The following SHTN1 variants were observed in gnomAD, a reference collection of about 807,000 sequenced individuals.
SHTN1 encodes shootin 1.
SHTN1 carries 42 observed loss-of-function variants against 83.1 expected under a neutral mutation model. The ratio of observed to expected loss-of-function variants is 0.51; its 90% CI spans 0.39 to 0.65. The LOEUF (loss-of-function observed/expected upper bound fraction) is 0.65. SHTN1 is among the 30% of genes least tolerant of loss of function. The probability of loss-of-function intolerance (pLI) is 0.00; values close to 1 mark genes in which losing one functional copy is unlikely to be tolerated. For synonymous variants in SHTN1, 224 were observed against 247.7 expected, an observed-to-expected ratio of 0.90 and a Z score of 0.90; for missense variants, 622 against 737.8, an observed-to-expected ratio of 0.84 and a Z score of 1.82.
At chr10:117,076,281 A>T (rs887423792) in intron 1 of SHTN1, among the ~76,000 whole-genome samples, 2 of 152,176 alleles carry the variant, frequency 1.3e-5, no homozygotes, top group South Asian at 4.1e-4. Flanking sequence ...TTAATTTAGG[A>T]AAGTGACAGT....
At chr10:117,005,243 T>C, upstream of SHTN1, 2 of 1,482,594 alleles carry the variant, frequency 1.3e-6, no homozygotes, top group Non-Finnish European at 1.8e-6. Flanking sequence ...GCGAGTGAGA[T>C]CATCCCCACG....
chr10:116,912,359 A>T (rs1848232223), intron 13 of SHTN1, among the ~76,000 whole-genome samples: 1 of 152,204 alleles, frequency 6.6e-6, no homozygotes, highest in South Asian at 2.1e-4. Flanking sequence ...TCACAAGAGG[A>T]CAGAGTCGAG....
intron 1 of SHTN1, among the ~76,000 whole-genome samples, chr10:117,118,175 G>C (rs954885593): frequency 1.3e-5 from 2 of 151,944 alleles, no homozygotes; most frequent in African/African-American, 4.8e-5. Flanking sequence ...TATATAAGCA[G>C]CTCAAACAAC....
intron 2 of SHTN1, among the ~76,000 whole-genome samples, chr10:117,040,953 A>AT (rs987434444): frequency 1.3e-5 from 2 of 151,584 alleles, no homozygotes; most frequent in African/African-American, 4.8e-5. Context: ...TTATCTTAAA[A>AT]TTTTTTTATT....
intron 1 of SHTN1, among the ~76,000 whole-genome samples, chr10:117,086,109 G>A (rs192830969): frequency 1.1e-4 from 17 of 152,006 alleles, no homozygotes; most frequent in South Asian, 1.0e-3. Context: ...TAGTAGAGAC[G>A]GGGTTTCACC....
intron 2 of SHTN1, among the ~76,000 whole-genome samples, chr10:117,018,764 GT>G (rs376411145): frequency 1.3e-5 from 2 of 151,920 alleles, no homozygotes; most frequent in Non-Finnish European, 1.5e-5. Flanking sequence ...GTAGAGAGGG[GT>G]TTTCACCATG....
chr10:116,978,803 T>C (rs565330520), intron 2 of SHTN1, among the ~76,000 whole-genome samples: 71 of 152,278 alleles, frequency 4.7e-4, no homozygotes, highest in African/African-American at 1.6e-3. Context: ...TTCATATAAA[T>C]AGAAGAAGCA....
At chr10:116,956,008 C>T (rs1849966871) in intron 4 of SHTN1, among the ~76,000 whole-genome samples, 1 of 152,214 alleles carries the variant, frequency 6.6e-6, no homozygotes. Context: ...ACACGAAGCT[C>T]AAGGACCCTC....
chr10:117,110,632 A>G lies in SHTN1; in HGVS notation c.-189+15675T>C, dbSNP rs182577097. ...CACCTCGGCCTCCCAAAGTGCTAGG[A>G]TTACAGGTGTGAGCCACCGTACCCA... is the stretch of plus-strand genomic sequence containing the variant. On this transcript the variant is annotated intron_variant, in intron 1 of 17. Transcript: ENST00000392901. 3.9e-3 allele frequency among the ~76,000 whole-genome samples: 590 copies of G among 152,004 alleles called. 4 individuals are homozygous for G. The highest frequency in any genetic ancestry group is 0.013 in the African/African-American group (557 of 41,454).
At chr10:116,901,133 T>G (rs981146949) in intron 16 of SHTN1, 7 of 985,262 alleles carry the variant, frequency 7.1e-6, no homozygotes, top group African/African-American at 5.2e-5. Context: ...GCAAGAGAAC[T>G]AAAGCAAAAC....
chr10:116,887,378 G>A (rs573955500), intron 16 of SHTN1, among the ~76,000 whole-genome samples: 1 of 152,322 alleles, frequency 6.6e-6, no homozygotes, highest in African/African-American at 2.4e-5. Flanking sequence ...CGGCCTGAAG[G>A]TGGAGGCAGC....
At chr10:117,095,218 A>G (rs1238849050) in intron 1 of SHTN1, among the ~76,000 whole-genome samples, 1 of 152,210 alleles carries the variant, frequency 6.6e-6, no homozygotes, top group Non-Finnish European at 1.5e-5. Context: ...TAACCTGTCA[A>G]TGTCCGCTAG....
chr10:116,918,517 C>T (rs1848448217), intron 12 of SHTN1, among the ~76,000 whole-genome samples: 1 of 151,892 alleles, frequency 6.6e-6, no homozygotes, highest in African/African-American at 2.4e-5. Flanking sequence ...CTAAAGAATA[C>T]ATTATAGTCG....
rs1336666199 is a variant in SHTN1 at position 117,065,878 on chromosome 10, GAGGT to G, written c.-188-17372_-188-17369del. Among the ~76,000 whole-genome samples, 250 of 107,854 alleles carry G rather than the reference GAGGT, an allele frequency of 2.3e-3. 2 individuals are homozygous for G. The highest frequency in any genetic ancestry group is 8.2e-3 in the African/African-American group (229 of 28,096). 70.8% of individuals were successfully genotyped at this position (107,854 alleles called of 152,430 possible). Reference sequence around the variant, plus strand: ...GAAAGGAGGGAGGGAGGGAGGGAGGGAGGTGGGGAGGGGAAGGGAGGGGAGGGGA... The same window carrying G: ...GAAAGGAGGGAGGGAGGGAGGGAGGGGGGGAGGGGAAGGGAGGGGAGGGGA... On this transcript the variant is annotated intron_variant, in intron 1 of 17. Transcript: ENST00000392901.
At chr10:117,083,722 G>A (rs1019639884) in intron 1 of SHTN1, among the ~76,000 whole-genome samples, 40 of 152,084 alleles carry the variant, frequency 2.6e-4, no homozygotes, top group African/African-American at 8.9e-4. Flanking sequence ...TTTCTTGGAG[G>A]CTTTGCTCGT....
intron 7 of SHTN1, among the ~76,000 whole-genome samples, chr10:116,945,953 A>G (rs1167772877): frequency 1.3e-5 from 2 of 152,162 alleles, no homozygotes; most frequent in East Asian, 3.8e-4. Context: ...ACAAACACAA[A>G]AAGTTGCAGA....
intron 1 of SHTN1, among the ~76,000 whole-genome samples, chr10:117,097,066 G>C (rs1176152780): frequency 8.3e-6 from 1 of 120,984 alleles, no homozygotes; most frequent in Non-Finnish European, 1.8e-5. Context: ...CACACACAAA[G>C]GAAAAAGGAA....
At chr10:116,911,732 A>G in intron 14 of SHTN1, 58 bp downstream of exon 14, 1 of 1,576,868 alleles carries the variant, frequency 6.3e-7, no homozygotes, top group South Asian at 1.1e-5. Context: ...AACAGATTTT[A>G]AAATACTCTC....
chr10:117,103,310 C>T (rs1427335557), intron 1 of SHTN1, among the ~76,000 whole-genome samples: 3 of 152,004 alleles, frequency 2.0e-5, no homozygotes, highest in South Asian at 4.2e-4. Context: ...AGGCTGGTCT[C>T]GAACTCCTGA....
Sources: allele counts gnomAD v4.1 joint callset (sites outside exome capture counted in the v4.1 genomes callset), GRCh38; gene constraint gnomAD v4.1.1; transcripts MANE v1.5; gene names NCBI Gene and HGNC (gene_info 2026-07-23, HGNC 2026-07-21).